GRIA4: variants seen among roughly 807,000 people sequenced by gnomAD.
The protein encoded by GRIA4 is glutamate receptor 4.
Under a neutral mutation model 104.0 loss-of-function variants are expected in GRIA4, and 34 were observed. The ratio of observed to expected loss-of-function variants is 0.33; its 90% CI spans 0.25 to 0.44. The LOEUF is 0.44. Ranked by LOEUF, GRIA4 falls within the 20% of genes least tolerant of loss-of-function variation. GRIA4 has a pLI of 1.00. For missense variants in GRIA4, 750 were observed against 1,096.5 expected, an observed-to-expected ratio of 0.68 and a Z score of 4.46; for synonymous variants, 386 against 381.9, an observed-to-expected ratio of 1.01 and a Z score of -0.13.
At chr11:105,656,279 C>G (rs1015093657) in intron 3 of GRIA4, among the ~76,000 whole-genome samples, 3 of 152,002 alleles carry the variant, frequency 2.0e-5, no homozygotes, top group Non-Finnish European at 2.9e-5. Context: ...GAAAGGATTC[C>G]CTATTTAATA....
chr11:105,613,773 C>T (rs1346302742), intron 3 of GRIA4: 2 of 152,014 alleles, frequency 1.3e-5, no homozygotes, highest in African/African-American at 2.4e-5. Flanking sequence ...GCATATGTCA[C>T]TTTTGCAAAG....
chr11:105,862,273 T>A (rs1945255107), intron 5 of GRIA4, 65 bp downstream of exon 5: 2 of 872,748 alleles, frequency 2.3e-6, no homozygotes, highest in Admixed American at 4.7e-5. Context: ...TTTGATTGAC[T>A]TGTCCCCATC....
At chr11:105,891,365 T>C (rs1005416827) in intron 6 of GRIA4, among the ~76,000 whole-genome samples, 1 of 152,190 alleles carries the variant, frequency 6.6e-6, no homozygotes, top group Non-Finnish European at 1.5e-5. Context: ...CCCCAATTTT[T>C]ACCACCATCT....
chr11:105,954,507 T>C (rs1948534767), intron 14 of GRIA4, among the ~76,000 whole-genome samples: 1 of 152,208 alleles, frequency 6.6e-6, no homozygotes, highest in African/African-American at 2.4e-5. Flanking sequence ...AGATTGTGAT[T>C]TGTTGTATTT....
At chr11:105,639,484 T>C (rs1176214329) in intron 3 of GRIA4, among the ~76,000 whole-genome samples, 1 of 151,978 alleles carries the variant, frequency 6.6e-6, no homozygotes, top group African/African-American at 2.4e-5. Context: ...ACAGTATTTT[T>C]GAAAATAGAA....
At chr11:105,954,013 A>G (rs1377520096) in intron 14 of GRIA4, among the ~76,000 whole-genome samples, 2 of 152,150 alleles carry the variant, frequency 1.3e-5, no homozygotes, top group Non-Finnish European at 2.9e-5. Flanking sequence ...TGTCTATATA[A>G]ATATGTGTGA....
intron 13 of GRIA4, among the ~76,000 whole-genome samples, chr11:105,931,574 G>A (rs528094102): frequency 3.3e-5 from 5 of 151,958 alleles, no homozygotes; most frequent in South Asian, 2.1e-4. Context: ...GTGTGGTGGC[G>A]GGTTTCTGTA....
chr11:105,630,688 A>T (rs1951013825), intron 3 of GRIA4, among the ~76,000 whole-genome samples: 1 of 152,188 alleles, frequency 6.6e-6, no homozygotes, highest in Non-Finnish European at 1.5e-5. Flanking sequence ...GGCATTAATG[A>T]AAAAAATGAT....
intron 4 of GRIA4, among the ~76,000 whole-genome samples, chr11:105,825,750 A>T (rs1410551228): frequency 6.6e-6 from 1 of 152,036 alleles, no homozygotes; most frequent in African/African-American, 2.4e-5. Context: ...AGGGGTCGTT[A>T]GGTTTGTGAG....
chr11:105,975,262 C>G (rs1293047786), intron 16 of GRIA4, among the ~76,000 whole-genome samples: 1 of 152,040 alleles, frequency 6.6e-6, no homozygotes, highest in Non-Finnish European at 1.5e-5. Flanking sequence ...TTAGGCAATA[C>G]AGCAGTTTTT....
chr11:105,628,066 CAT>C (rs1288477494), intron 3 of GRIA4, among the ~76,000 whole-genome samples: 2 of 151,796 alleles, frequency 1.3e-5, no homozygotes, highest in Non-Finnish European at 2.9e-5. Context: ...CAATTACCAT[CAT>C]ATATATGTGT....
intron 3 of GRIA4, among the ~76,000 whole-genome samples, chr11:105,735,277 T>A (rs2135628306): frequency 6.6e-6 from 1 of 152,192 alleles, no homozygotes; most frequent in Middle Eastern, 3.4e-3. Context: ...CTCAATATAG[T>A]GAACCATGGA....
intron 3 of GRIA4, among the ~76,000 whole-genome samples, chr11:105,621,860 A>G (rs1763094860): frequency 1.3e-5 from 2 of 151,880 alleles, no homozygotes; most frequent in Non-Finnish European, 2.9e-5. Context: ...AACAGTGACG[A>G]TTATCAGTTT....
chr11:105,956,578 G>A (rs1031984305), intron 14 of GRIA4, among the ~76,000 whole-genome samples: 2 of 152,174 alleles, frequency 1.3e-5, no homozygotes, highest in Non-Finnish European at 2.9e-5. Flanking sequence ...ACATGTGCAT[G>A]TGTCTTTATA....
chr11:105,888,895 T>G (rs1946368046), intron 6 of GRIA4, among the ~76,000 whole-genome samples: 2 of 152,186 alleles, frequency 1.3e-5, no homozygotes, highest in South Asian at 4.1e-4. Context: ...TTCATTGCTT[T>G]TTAGTAGGCT....
chr11:105,862,325 G>T (rs982757914), intron 5 of GRIA4, 117 bp downstream of exon 5: 2 of 637,160 alleles, frequency 3.1e-6, no homozygotes, highest in African/African-American at 3.7e-5. Flanking sequence ...TGAGGTTTGA[G>T]AGTTTTCATT....
intron 4 of GRIA4, among the ~76,000 whole-genome samples, chr11:105,781,412 C>T (rs1291085270): frequency 2.0e-5 from 3 of 152,066 alleles, no homozygotes. Flanking sequence ...CATATATGCT[C>T]TTGTTCTTTT....
intron 3 of GRIA4, among the ~76,000 whole-genome samples, chr11:105,658,543 G>A (rs911153108): frequency 1.3e-5 from 2 of 151,814 alleles, no homozygotes; most frequent in African/African-American, 4.8e-5. Flanking sequence ...TTTCTGTGGG[G>A]ACATGAATCC....
At chr11:105,888,216 C>G (rs11822193) in intron 6 of GRIA4, among the ~76,000 whole-genome samples, 9,847 of 147,406 alleles carry the variant, frequency 0.067, 855 homozygotes, top group African/African-American at 0.2. Context: ...ACCATTTGCC[C>G]TAAGGGCCTG....
Sources: allele counts gnomAD v4.1 joint callset (sites outside exome capture counted in the v4.1 genomes callset), GRCh38; gene constraint gnomAD v4.1.1; transcripts MANE v1.5; gene names NCBI Gene and HGNC (gene_info 2026-07-23, HGNC 2026-07-21).